Variants in SLC44A1 observed in about 807,000 individuals in gnomAD.
The protein encoded by SLC44A1 is solute carrier family 44 member 1, also known as choline transporter-like protein 1.
Under a neutral mutation model 79.3 loss-of-function variants are expected in SLC44A1, and 26 were observed. The ratio of observed to expected loss-of-function variants is 0.33; its 90% CI spans 0.24 to 0.46. SLC44A1 has a LOEUF of 0.46. Ranked by LOEUF, SLC44A1 falls within the 20% of genes least tolerant of loss-of-function variation. The probability of loss-of-function intolerance (pLI) is 1.00; values close to 1 mark genes in which losing one functional copy is unlikely to be tolerated. For missense variants in SLC44A1, 688 were observed against 798.1 expected, an observed-to-expected ratio of 0.86 and a Z score of 1.66; for synonymous variants, 263 against 286.2, an observed-to-expected ratio of 0.92 and a Z score of 0.82.
intron 1 of SLC44A1, among the ~76,000 whole-genome samples, chr9:105,246,322 G>A (rs1829446460): frequency 6.6e-6 from 1 of 151,968 alleles, no homozygotes; most frequent in African/African-American, 2.4e-5. Flanking sequence ...AGATGAATGG[G>A]GGACATTTGT....
rs576150831 is a variant in SLC44A1, at chr9:105,297,132, T to C, written c.37-2088T>C. On this transcript the variant is annotated intron_variant, in intron 1 of 15. Transcript: ENST00000374720. ...TTTCCATGACTAACTAGTGCTCTTT[T>C]GTTTTCTGTGTGGGTGTTTGGGAAC... 2.0e-5 allele frequency among the ~76,000 whole-genome samples: 3 copies of C among 152,344 alleles called. No homozygotes were observed. In the South Asian group the frequency reaches 6.2e-4, roughly 32 times the overall value.
intron 3 of SLC44A1, among the ~76,000 whole-genome samples, chr9:105,330,503 A>T (rs1473986501): frequency 1.3e-5 from 2 of 152,204 alleles, no homozygotes; most frequent in African/African-American, 4.8e-5. Context: ...ACCAGTTTTA[A>T]ACCTTCTATG....
In SLC44A1 at chr9:105,365,630, C is replaced by T. The variant is rs1479457373; in HGVS notation, c.1401C>T (p.Leu467=). The change falls in exon 11 of 16, where the codon CTC becomes CTT. Residue 467 remains leucine (L), a synonymous_variant. Coordinates refer to ENST00000374720, the MANE Select transcript of SLC44A1 (RefSeq NM_080546.5). ...TCCTTATGTATATTCACAGTCAGCT[C>T]AAAGGAAAGGTAAGGGGAAAATGCA... ...RMILMYIHSQ[L]KGKENACARC... 3.1e-6 allele frequency: 5 copies of T among 1,613,486 alleles called. No individual in the cohort carries two copies. Among genetic ancestry groups the T allele is most frequent in the Non-Finnish European group, 4.2e-6 (5 of 1,179,576 alleles).
chr9:105,411,870 A>G (rs1398032460), intron 15 of SLC44A1, among the ~76,000 whole-genome samples: 1 of 152,164 alleles, frequency 6.6e-6, no homozygotes. Flanking sequence ...AACTTTGATC[A>G]TTTGGCTAAG....
chr9:105,385,126 T>C (rs1828590529), intron 14 of SLC44A1, among the ~76,000 whole-genome samples: 2 of 152,274 alleles, frequency 1.3e-5, no homozygotes, highest in Admixed American at 1.3e-4. Context: ...GAAAATAGCC[T>C]CTTAAAAATG....
Position 105,392,268 on chromosome 9 carries a change from C to T in SLC44A1, c.*3212C>T, listed in dbSNP as rs188645106. ...AAGATAATTAAGTCCTAAGTCACTA[C>T]AACTTAAGTAGCTTAACTGTATGTT... On this transcript the variant is annotated 3_prime_UTR_variant, in exon 16 of 16. Transcript: ENST00000374720. 125 of 983,404 alleles carry T rather than the reference C, an allele frequency of 1.3e-4. No individual in the cohort carries two copies. Among genetic ancestry groups the T allele is most frequent in the Non-Finnish European group, 1.4e-4 (117 of 828,182 alleles). 60.9% of individuals were successfully genotyped at this position (983,404 alleles called of 1,614,324 possible).
At chr9:105,249,067 T>G (rs559911980) in intron 1 of SLC44A1, among the ~76,000 whole-genome samples, 2 of 152,330 alleles carry the variant, frequency 1.3e-5, no homozygotes, top group Admixed American at 1.3e-4. Context: ...GCCGCTTGTC[T>G]GTCTAGCGTT....
In SLC44A1 at chr9:105,371,237, A is replaced by G. The variant is rs544659145; in HGVS notation, c.1495-3361A>G. ...AGATGAGTGAGTAGATGAGGTTGAT[A>G]TTAATCCTTGGCAGTACTCTAGAAC... On this transcript the variant is annotated intron_variant, in intron 12 of 15. Transcript: ENST00000374720. Among the ~76,000 whole-genome samples, 3 of 152,324 alleles carry G rather than the reference A, an allele frequency of 2.0e-5. No individual in the cohort carries two copies. In the South Asian group the frequency reaches 6.2e-4, roughly 32 times the overall value.
At chr9:105,428,871 A>G (rs1829356222) in intron 15 of SLC44A1, among the ~76,000 whole-genome samples, 1 of 152,070 alleles carries the variant, frequency 6.6e-6, no homozygotes, top group African/African-American at 2.4e-5. Flanking sequence ...ACGCCCAGCT[A>G]ATTTTTGTAT....
intron 1 of SLC44A1, among the ~76,000 whole-genome samples, chr9:105,282,748 C>T (rs2080273270): frequency 6.6e-6 from 1 of 151,986 alleles, no homozygotes; most frequent in African/African-American, 2.4e-5. Context: ...GGGGTTTCAC[C>T]ATGTTGGCCA....
At chr9:105,409,923 G>T (rs1192240417) in intron 15 of SLC44A1, among the ~76,000 whole-genome samples, 2 of 152,038 alleles carry the variant, frequency 1.3e-5, no homozygotes. Context: ...AAGTGCACAT[G>T]GATCATTCTC....
Position 105,261,622 on chromosome 9 carries a change from A to G in SLC44A1, c.36+16718A>G, listed in dbSNP as rs117178155. The stretch of plus-strand genomic sequence containing the variant: ...CATGCTTTGGTTCTGTTCAATGTTC[A>G]TGGGCTGGTGTGCTGTCAGGCTAAG... On this transcript the variant is annotated intron_variant, in intron 1 of 15. Transcript: ENST00000374720. Among the ~76,000 whole-genome samples, 1,373 of 152,222 alleles carry G rather than the reference A, an allele frequency of 9.0e-3. 7 individuals carry two copies. The highest frequency in any genetic ancestry group is 0.014 in the Non-Finnish European group (958 of 68,012).
Position 105,361,192 on chromosome 9 carries a change from AG to A in SLC44A1, c.764del (p.Gly255AlafsTer27). 6.2e-7 allele frequency: 1 copy of A among 1,613,954 alleles called. No individual in the cohort carries two copies. Among genetic ancestry groups the A allele is most frequent in the Non-Finnish European group, 8.5e-7 (1 of 1,179,816 alleles). ...AACAGTTGGGTCTTTTGTCTCCAGG[AG>A]GCACAGGTGTACTATGGTGGCTGTA... ...TILVILGSLG[G>X]TGVLWWLYAK... On this transcript the variant is annotated frameshift_variant and splice_region_variant, in exon 8 of 16. Coordinates refer to ENST00000374720, the MANE Select transcript of SLC44A1 (RefSeq NM_080546.5). LOFTEE classifies it high-confidence loss of function.
At position 105,408,251 on chromosome 9, in the gene SLC44A1, A is replaced by G. The variant is rs112988325; in HGVS notation, c.1950+22749A>G. On this transcript the variant is annotated intron_variant, in intron 15 of 15. Coordinates refer to the SLC44A1 transcript ENST00000374724. ...AGTTTGCTTCTAGTAGACCTGCCCT[A>G]TGAGAAATGCTAAGGGAAATTATTC... Among the ~76,000 whole-genome samples the G allele has an allele frequency of 1.4e-3, 217 of 152,350 alleles. 1 individual carries two copies. The highest frequency in any genetic ancestry group is 0.014 in the Middle Eastern group (4 of 294).
intron 3 of SLC44A1, among the ~76,000 whole-genome samples, chr9:105,327,255 C>T (rs1826607022): frequency 6.6e-6 from 1 of 152,082 alleles, no homozygotes; most frequent in South Asian, 2.1e-4. Flanking sequence ...AGTGGCTTCC[C>T]AGTGTCTTTA....
In SLC44A1 at chr9:105,374,743, C is replaced by T; in HGVS notation, c.1632+8C>T. The T allele has an allele frequency of 6.3e-7, 1 of 1,598,092 alleles. No homozygotes were observed. The highest frequency in any genetic ancestry group is 8.5e-7 in the Non-Finnish European group (1 of 1,171,192). ...ATGTTATTCCTTGGCAAGGTAAAAC[C>T]AAGTATTTTTTCTGCAACATACAGT... is the stretch of plus-strand genomic sequence containing the variant. On this transcript the variant is annotated splice_region_variant and intron_variant, in intron 13 of 15. Coordinates refer to ENST00000374720, the MANE Select transcript of SLC44A1 (RefSeq NM_080546.5).
chr9:105,383,433 A>G, intron 14 of SLC44A1, 74 bp downstream of exon 14: 5 of 860,038 alleles, frequency 5.8e-6, no homozygotes, highest in South Asian at 1.5e-5. Flanking sequence ...AACATTCTCT[A>G]TATTTAATTC....
At chr9:105,260,696 C>T (rs143010760) in intron 1 of SLC44A1, among the ~76,000 whole-genome samples, 1 of 152,278 alleles carries the variant, frequency 6.6e-6, no homozygotes, top group Non-Finnish European at 1.5e-5. Flanking sequence ...ACAAAAGAAT[C>T]CTTCAAGTTT....
intron 1 of SLC44A1, among the ~76,000 whole-genome samples, chr9:105,246,556 A>G (rs73508596): frequency 6.6e-6 from 1 of 152,146 alleles, no homozygotes; most frequent in African/African-American, 2.4e-5. Flanking sequence ...TAACATATAA[A>G]GGTGTAGAAT....
Sources: gnomAD v4.1 joint callset for allele counts (sites outside exome capture counted in the v4.1 genomes callset) on GRCh38, gnomAD v4.1.1 for gene constraint, MANE v1.5 for transcripts, NCBI Gene and HGNC (gene_info 2026-07-23, HGNC 2026-07-21) for gene names.